Variants in ZNF423 observed in about 807,000 individuals in gnomAD.
The protein encoded by ZNF423 is zinc finger protein 423, also known as Ebf-associated zinc finger protein.
A neutral mutation model predicts 95.8 loss-of-function variants in ZNF423; 12 were observed. The observed-to-expected ratio is 0.13, with a 90% CI of 0.08 to 0.20. The LOEUF is 0.20. Among genes scored for constraint, ZNF423 ranks in the 10% least tolerant of loss-of-function variants. The pLI, the probability that ZNF423 is intolerant of heterozygous loss-of-function variation, is 1.00. For missense variants in ZNF423, 1,316 were observed against 1,737.1 expected (o/e 0.76, Z 4.31); for synonymous variants, 749 against 711.9 (o/e 1.05, Z -0.83).
chr16:49,556,757 A>T (rs905415902), intron 5 of ZNF423, among the ~76,000 whole-genome samples: 6 of 152,218 alleles, frequency 3.9e-5, no homozygotes, highest in Non-Finnish European at 7.3e-5. Context: ...ACACTGTATA[A>T]CTCAAAAATT....
At chr16:49,647,718 C>T (rs372899274) in intron 3 of ZNF423, among the ~76,000 whole-genome samples, 104 of 152,334 alleles carry the variant, frequency 6.8e-4, no homozygotes, top group African/African-American at 2.4e-3. Flanking sequence ...GAAAGGAATG[C>T]GGCCCTGCCA....
chr16:49,538,016 A>T (rs1234531272), intron 5 of ZNF423, among the ~76,000 whole-genome samples: 1 of 152,070 alleles, frequency 6.6e-6, no homozygotes, highest in Non-Finnish European at 1.5e-5. Context: ...TGTGCCTCCC[A>T]CCTGCCAAGC....
intron 5 of ZNF423, among the ~76,000 whole-genome samples, chr16:49,533,557 G>T (rs558907325): frequency 6.6e-6 from 1 of 152,238 alleles, no homozygotes; most frequent in African/African-American, 2.4e-5. Context: ...TTAGCTAGGG[G>T]TCAGTTAAGC....
rs2035364499 is a variant in ZNF423, at chr16:49,856,012, G to A, written c.-238C>T. Reference sequence around the variant, plus strand: ...GGGGGGAGGCCCGGGGGGCGCGCCGGGGCCCTGCCTGTTGCAATGCGGCAG... The same window carrying A: ...GGGGGGAGGCCCGGGGGGCGCGCCGAGGCCCTGCCTGTTGCAATGCGGCAG... On this transcript the variant is annotated 5_prime_UTR_variant, in exon 1 of 8. Transcript: ENST00000563137. 6.7e-6 allele frequency: 1 copy of A among 149,992 alleles called. No homozygotes were observed. The highest frequency in any genetic ancestry group is 1.5e-5 in the Non-Finnish European group (1 of 67,428). 9.3% of individuals were successfully genotyped at this position (149,992 alleles called of 1,614,324 possible). A position where few individuals can be genotyped will look rare whatever the true frequency, so the allele number is the denominator to read the frequency against.
rs779721816 is a variant in ZNF423, at chr16:49,636,624, T to C, written c.2552A>G (p.Asn851Ser). ...CTTGGTGGCCATTGGGGGTACCCCA[T>C]TGGCCGTGCCGTTCTCGGTCGCAGC... Reference protein sequence around the residue: ...FDAATENGTANGVPPMATKKA... With the variant: ...FDAATENGTASGVPPMATKKA... Residue 851 changes from asparagine to serine, a missense_variant, in exon 4 of 8, where the codon AAT becomes AGT. Physicochemically the swap from Asn to Ser is conservative, Grantham distance 46. Around this residue, in one of 6 missense-constraint regions of ZNF423, gnomAD observed 620 missense variants for 775.6 expected, o/e 0.80. Transcript: ENST00000563137. This position sits in a 1 kb window ranked among gnomAD's most constrained non-coding sequence, Gnocchi z 8.6. 6.2e-6 allele frequency: 10 copies of C among 1,613,862 alleles called. No individual in the cohort carries two copies. The highest frequency in any genetic ancestry group is 4.5e-5 in the East Asian group (2 of 44,870).
intron 7 of ZNF423, among the ~76,000 whole-genome samples, chr16:49,521,955 G>C (rs1968415042): frequency 6.6e-6 from 1 of 152,242 alleles, no homozygotes; most frequent in East Asian, 1.9e-4. Flanking sequence ...TGGCAGTGTG[G>C]GTGGGCCACA....
chr16:49,621,517 C>A (rs1045334805), intron 5 of ZNF423, among the ~76,000 whole-genome samples: 1 of 152,156 alleles, frequency 6.6e-6, no homozygotes, highest in African/African-American at 2.4e-5. Flanking sequence ...TTTACCGCCC[C>A]GCAGGGGAGC....
rs77069776 is a variant in ZNF423, at chr16:49,517,532, G to C, written c.3849+6092C>G. Among the ~76,000 whole-genome samples the C allele has an allele frequency of 3.3e-4, 51 of 152,308 alleles. No individual in the cohort carries two copies. The East Asian group carries it at 9.4e-3, about 28-fold the overall frequency. On this transcript the variant is annotated intron_variant, in intron 7 of 7. Transcript: ENST00000563137. Reference sequence around the variant, plus strand: ...TGGGTTTTCAAGGTGTGGGGTGAGCGTGGGCAGGTGTATATGTGGGTGAGG... The same window carrying C: ...TGGGTTTTCAAGGTGTGGGGTGAGCCTGGGCAGGTGTATATGTGGGTGAGG...
intron 5 of ZNF423, among the ~76,000 whole-genome samples, chr16:49,577,640 G>A (rs1970539729): frequency 6.6e-6 from 1 of 152,188 alleles, no homozygotes; most frequent in Non-Finnish European, 1.5e-5. Flanking sequence ...AGTGCAGGAG[G>A]AGAGCAAGGC....
At chr16:49,501,600 C>T (rs1292503818) in intron 7 of ZNF423, among the ~76,000 whole-genome samples, 1 of 151,788 alleles carries the variant, frequency 6.6e-6, no homozygotes. Context: ...GCACTATTGA[C>T]AGTAGCGAAG....
At chr16:49,781,849 C>A (rs1237582704) in intron 2 of ZNF423, among the ~76,000 whole-genome samples, 2 of 152,172 alleles carry the variant, frequency 1.3e-5, no homozygotes, top group African/African-American at 4.8e-5. Context: ...GCATTCTTCC[C>A]AAGGAGGTCC....
At chr16:49,773,524 A>G (rs1306667835) in intron 2 of ZNF423, among the ~76,000 whole-genome samples, 1 of 152,196 alleles carries the variant, frequency 6.6e-6, no homozygotes, top group Non-Finnish European at 1.5e-5. Context: ...TTCCCTGAGT[A>G]AGCCAGCTCC....
intron 1 of ZNF423, among the ~76,000 whole-genome samples, chr16:49,809,235 T>C (rs1208516355): frequency 1.3e-5 from 2 of 152,188 alleles, no homozygotes; most frequent in African/African-American, 4.8e-5. Context: ...CCACACATAA[T>C]GCGAGGACAC....
chr16:49,665,372 T>C (rs2030486385), intron 3 of ZNF423, among the ~76,000 whole-genome samples: 1 of 152,098 alleles, frequency 6.6e-6, no homozygotes, highest in Non-Finnish European at 1.5e-5. Flanking sequence ...GCTCGCAGCC[T>C]AGGTGGAGGG....
chr16:49,621,806 C>G (rs1005701655), intron 5 of ZNF423, among the ~76,000 whole-genome samples: 1 of 152,174 alleles, frequency 6.6e-6, no homozygotes, highest in African/African-American at 2.4e-5. Flanking sequence ...CTCACCATTT[C>G]CCCAGCAGCC....
Position 49,491,049 on chromosome 16 carries a change from A to T in ZNF423, c.*226T>A. On this transcript the variant is annotated 3_prime_UTR_variant, in exon 8 of 8. Coordinates refer to ENST00000563137, the MANE Select transcript of ZNF423 (RefSeq NM_001379286.1). ...TCTGCGGCGGAAAGTCTAAAAGCACACTAGCTGTAGCAGGACAATAAAAAA... is the reference window on the plus strand; with the variant it reads ...TCTGCGGCGGAAAGTCTAAAAGCACTCTAGCTGTAGCAGGACAATAAAAAA... 1 of 568,678 alleles carries T rather than the reference A, an allele frequency of 1.8e-6. No homozygotes were observed. The allele number at this position is 568,678 out of a possible 1,614,324, so 35.2% of individuals were successfully genotyped here.
At chr16:49,815,647 G>T (rs868504176) in intron 1 of ZNF423, among the ~76,000 whole-genome samples, 5 of 151,924 alleles carry the variant, frequency 3.3e-5, no homozygotes, top group Middle Eastern at 6.8e-3. Context: ...GGCCTTCAGG[G>T]CCAGCCAGGT....
intron 7 of ZNF423, among the ~76,000 whole-genome samples, chr16:49,501,597 T>C (rs1457816802): frequency 1.3e-5 from 2 of 151,670 alleles, no homozygotes; most frequent in Admixed American, 6.6e-5. Flanking sequence ...GCAGCACTAT[T>C]GACAGTAGCG....
At chr16:49,749,564 G>A (rs1314432866) in intron 2 of ZNF423, among the ~76,000 whole-genome samples, 2 of 152,216 alleles carry the variant, frequency 1.3e-5, no homozygotes, top group East Asian at 3.8e-4. Context: ...GCGCGATCCC[G>A]CACATCCTCT....
Sources: gnomAD v4.1 joint callset for allele counts (sites outside exome capture counted in the v4.1 genomes callset) on GRCh38, gnomAD v4.1.1 for gene constraint, gnomAD v4.1.1 regional missense constraint, Gnocchi (gnomAD v3.1) non-coding constraint, MANE v1.5 for transcripts, NCBI Gene and HGNC (gene_info 2026-07-23, HGNC 2026-07-21) for gene names.